SLC4A10: variants seen among roughly 807,000 people sequenced by gnomAD.
SLC4A10 encodes sodium-driven chloride bicarbonate exchanger.
A neutral mutation model predicts 137.7 loss-of-function variants in SLC4A10; 42 were observed. That is an observed-to-expected ratio of 0.30 (90% confidence interval 0.24 to 0.39). SLC4A10 has a LOEUF of 0.39. SLC4A10 is among the 10% of genes least tolerant of loss of function. The probability of loss-of-function intolerance (pLI) is 1.00; values close to 1 mark genes in which losing one functional copy is unlikely to be tolerated. For missense variants in SLC4A10, 925 were observed against 1,355.0 expected (o/e 0.68, Z 4.98); for synonymous variants, 474 against 464.1 (o/e 1.02, Z -0.27).
At chr2:161,844,172 C>T (rs1023642903) in intron 4 of SLC4A10, among the ~76,000 whole-genome samples, 18 of 152,032 alleles carry the variant, frequency 1.2e-4, no homozygotes, top group Non-Finnish European at 1.9e-4. Context: ...TCAGAAGAGG[C>T]AAAGCAGGGG....
At chr2:161,860,227 A>T (rs1327273099) in intron 5 of SLC4A10, among the ~76,000 whole-genome samples, 2 of 152,192 alleles carry the variant, frequency 1.3e-5, no homozygotes, top group Non-Finnish European at 1.5e-5. Context: ...TAATGAACAG[A>T]TGAGTGTGTT....
Position 161,818,088 on chromosome 2 carries a change from G to A in SLC4A10, c.277+13493G>A, listed in dbSNP as rs551575912. ...CCTTGGGCAATATGGCCATTTTCAT[G>A]ATATTGATTCTTCCTACCCATGAGC... On this transcript the variant is annotated intron_variant, in intron 3 of 26. Coordinates refer to ENST00000446997, the MANE Select transcript of SLC4A10 (RefSeq NM_001178015.2). 1.6e-3 allele frequency among the ~76,000 whole-genome samples: 244 copies of A among 152,206 alleles called. 9 individuals are homozygous for A. In the South Asian group the frequency reaches 0.046, roughly 29 times the overall value.
At chr2:161,693,263 G>C (rs2042175238) in intron 1 of SLC4A10, among the ~76,000 whole-genome samples, 1 of 151,968 alleles carries the variant, frequency 6.6e-6, no homozygotes, top group Non-Finnish European at 1.5e-5. Context: ...CAAATGCATT[G>C]GTCAGGAATT....
chr2:161,890,235 G>A (rs145305511), intron 10 of SLC4A10, among the ~76,000 whole-genome samples: 290 of 152,196 alleles, frequency 1.9e-3, no homozygotes, highest in African/African-American at 6.7e-3. Flanking sequence ...GAATAAGTGC[G>A]ATGCGGTGCT....
intron 2 of SLC4A10, among the ~76,000 whole-genome samples, chr2:161,794,694 G>A (rs908689166): frequency 1.3e-5 from 2 of 152,166 alleles, no homozygotes; most frequent in African/African-American, 2.4e-5. Context: ...GAGGCATGAG[G>A]CAGCGACGTT....
chr2:161,695,682 A>G (rs1448529498), intron 1 of SLC4A10, among the ~76,000 whole-genome samples: 4 of 152,110 alleles, frequency 2.6e-5, no homozygotes, highest in Non-Finnish European at 5.9e-5. Context: ...TCCTTAGGCT[A>G]TTTTATAGAA....
chr2:161,684,069 C>G (rs2041146834), intron 1 of SLC4A10, among the ~76,000 whole-genome samples: 1 of 152,116 alleles, frequency 6.6e-6, no homozygotes, highest in Admixed American at 6.6e-5. Context: ...CCCTGACAAC[C>G]ATCGTTCTTC....
intron 5 of SLC4A10, among the ~76,000 whole-genome samples, chr2:161,856,934 AT>A (rs1417646267): frequency 6.6e-6 from 1 of 152,178 alleles, no homozygotes; most frequent in Non-Finnish European, 1.5e-5. Flanking sequence ...ATCCAAATAC[AT>A]TTTGAAATGG....
intron 1 of SLC4A10, among the ~76,000 whole-genome samples, chr2:161,657,756 A>G (rs986813089): frequency 3.9e-5 from 6 of 152,098 alleles, no homozygotes; most frequent in African/African-American, 1.4e-4. Context: ...AGCTTAAAAA[A>G]CTAAAATGGG....
intron 6 of SLC4A10, among the ~76,000 whole-genome samples, chr2:161,869,037 T>C (rs921122150): frequency 6.6e-6 from 1 of 151,692 alleles, no homozygotes; most frequent in African/African-American, 2.4e-5. Flanking sequence ...TATAGCACTT[T>C]AAAAAAATTA....
At chr2:161,898,916 A>T (rs774155261) in intron 11 of SLC4A10, among the ~76,000 whole-genome samples, 1 of 152,060 alleles carries the variant, frequency 6.6e-6, no homozygotes, top group Non-Finnish European at 1.5e-5. Flanking sequence ...TAGTCCAATC[A>T]TTCTCACTTG....
chr2:161,928,805 A>G (rs912952519), intron 15 of SLC4A10, among the ~76,000 whole-genome samples: 3 of 152,192 alleles, frequency 2.0e-5, no homozygotes, highest in African/African-American at 7.2e-5. Context: ...AATCCACTAT[A>G]TGCCATGCGT....
intron 1 of SLC4A10, among the ~76,000 whole-genome samples, chr2:161,652,840 G>A (rs1012815425): frequency 1.9e-5 from 2 of 104,778 alleles, no homozygotes; most frequent in Non-Finnish European, 4.0e-5. Context: ...TCATACAACT[G>A]CAGAATATAC....
chr2:161,699,688 A>G (rs1175041624), intron 1 of SLC4A10, among the ~76,000 whole-genome samples: 1 of 152,158 alleles, frequency 6.6e-6, no homozygotes, highest in African/African-American at 2.4e-5. Flanking sequence ...ATTGAGGATT[A>G]AAGGGCTTTG....
chr2:161,671,666 T>A (rs999087040), intron 1 of SLC4A10, among the ~76,000 whole-genome samples: 2 of 152,116 alleles, frequency 1.3e-5, no homozygotes, highest in Admixed American at 6.6e-5. Flanking sequence ...AGCCTGCATA[T>A]GTAACCCCTA....
chr2:161,859,702 G>C (rs1330198191), intron 5 of SLC4A10, among the ~76,000 whole-genome samples: 1 of 139,634 alleles, frequency 7.2e-6, no homozygotes, highest in Non-Finnish European at 1.5e-5. Flanking sequence ...CCGGGTTCAC[G>C]CCATTCCCCT....
chr2:161,856,201 G>A (rs1395875663), intron 5 of SLC4A10, among the ~76,000 whole-genome samples: 1 of 152,024 alleles, frequency 6.6e-6, no homozygotes, highest in Non-Finnish European at 1.5e-5. Context: ...ATGTCTTGAA[G>A]TGAATGTCAC....
chr2:161,754,669 T>C (rs1003815211), intron 1 of SLC4A10, among the ~76,000 whole-genome samples: 4 of 152,136 alleles, frequency 2.6e-5, no homozygotes, highest in African/African-American at 7.2e-5. Context: ...GTTTTTCCTA[T>C]CCCCCTTTTC....
At chr2:161,894,907 A>T (rs920271690) in intron 11 of SLC4A10, 82 bp downstream of exon 11, 5 of 795,470 alleles carry the variant, frequency 6.3e-6, no homozygotes, top group African/African-American at 1.9e-5. Flanking sequence ...TTATTTATTT[A>T]TTTATTTATT....
Sources: allele counts gnomAD v4.1 joint callset (sites outside exome capture counted in the v4.1 genomes callset), GRCh38; gene constraint gnomAD v4.1.1; transcripts MANE v1.5; gene names NCBI Gene and HGNC (gene_info 2026-07-23, HGNC 2026-07-21).